PKIG: variants seen among roughly 807,000 people sequenced by gnomAD.
PKIG encodes protein kinase (cAMP-dependent, catalytic) inhibitor gamma.
A neutral mutation model predicts 6.8 loss-of-function variants in PKIG; 1 was observed. That is an observed-to-expected ratio of 0.15 (90% CI 0.05 to 0.69). The LOEUF (loss-of-function observed/expected upper bound fraction) is 0.69, where lower values mean the gene tolerates loss of function less well. Among genes scored for constraint, PKIG ranks in the 30% least tolerant of loss-of-function variants. The pLI is 0.82. For missense variants in PKIG, 77 were observed against 104.0 expected (o/e 0.74, Z 1.13); for synonymous variants, 39 against 43.0 (o/e 0.91, Z 0.36).
chr20:44,551,075 T>G (rs2064663650), intron 1 of PKIG, among the ~76,000 whole-genome samples: 1 of 152,170 alleles, frequency 6.6e-6, no homozygotes, highest in Non-Finnish European at 1.5e-5. Flanking sequence ...TTCCTGTTTT[T>G]TTTTTGAGAC....
Position 44,614,672 on chromosome 20 carries a change from C to T in PKIG, c.116C>T (p.Ala39Val). ...DSEAVSVRKLAGDMGELALEG... is the reference protein window; with the variant it reads ...DSEAVSVRKLVGDMGELALEG... ...GAGGCTGTGAGCGTGAGGAAGCTGG[C>T]TGGAGACATGGGCGAGCTGGCACTC... Residue 39 changes from alanine (A) to valine (V), a missense_variant, in exon 3 of 4, where the codon GCT becomes GTT. Transcript: ENST00000372886. The surrounding 1 kb of genome is among the most constrained non-coding windows in gnomAD (Gnocchi z 4.6). 6.2e-7 allele frequency: 1 copy of T among 1,613,984 alleles called. No individual in the cohort carries two copies. The highest frequency in any genetic ancestry group is 8.5e-7 in the Non-Finnish European group (1 of 1,180,016).
intron 1 of PKIG, among the ~76,000 whole-genome samples, chr20:44,542,092 C>A (rs571450397): frequency 6.6e-6 from 1 of 152,158 alleles, no homozygotes; most frequent in East Asian, 1.9e-4. Context: ...TAATAACTTA[C>A]GGAGCTTTCC....
chr20:44,580,292 C>T (rs1340819219), upstream of PKIG, among the ~76,000 whole-genome samples: 1 of 151,996 alleles, frequency 6.6e-6, no homozygotes, highest in Non-Finnish European at 1.5e-5. Context: ...GAGCTGTGAA[C>T]GGCTGCTCTC....
chr20:44,578,624 C>T (rs1245946352), upstream of PKIG, among the ~76,000 whole-genome samples: 1 of 152,182 alleles, frequency 6.6e-6, no homozygotes, highest in Non-Finnish European at 1.5e-5. Context: ...CTAAAAGCTT[C>T]CTAAGGCCTC....
At chr20:44,551,996 T>C (rs1216727076) in intron 1 of PKIG, among the ~76,000 whole-genome samples, 1 of 152,228 alleles carries the variant, frequency 6.6e-6, no homozygotes, top group East Asian at 1.9e-4. Context: ...GAAATATTCG[T>C]AATTGCTACA....
intron 1 of PKIG, among the ~76,000 whole-genome samples, chr20:44,535,189 AG>A (rs2064501431): frequency 6.6e-6 from 1 of 152,186 alleles, no homozygotes. Context: ...ACAGAGTAAG[AG>A]TTGGCTGGGC....
intron 3 of PKIG, among the ~76,000 whole-genome samples, chr20:44,615,804 CTTGG>C (rs1268944562): frequency 1.4e-4 from 21 of 152,294 alleles, no homozygotes; most frequent in African/African-American, 5.1e-4. Flanking sequence ...TTTGCCGGGG[CTTGG>C]ACCCAGCCCT....
intron 1 of PKIG, among the ~76,000 whole-genome samples, chr20:44,561,247 G>A (rs767822452): frequency 7.9e-5 from 12 of 152,300 alleles, no homozygotes; most frequent in Non-Finnish European, 1.5e-4. Flanking sequence ...TGAGGCAGGA[G>A]AATCGCTTGA....
intron 1 of PKIG, among the ~76,000 whole-genome samples, chr20:44,533,805 A>G (rs956766180): frequency 1.3e-5 from 2 of 152,258 alleles, no homozygotes; most frequent in African/African-American, 4.8e-5. Context: ...AGAAACCAGC[A>G]AAGTATAGTA....
At chr20:44,607,377 A>T (rs59940141) in intron 2 of PKIG, among the ~76,000 whole-genome samples, 39,473 of 94,578 alleles carry the variant, frequency 0.42, 8,589 homozygotes, top group African/African-American at 0.46. Flanking sequence ...ATATATATAT[A>T]TTTTTTTTTT....
chr20:44,577,413 C>T (rs1022481214), intron 1 of PKIG, among the ~76,000 whole-genome samples: 2 of 152,096 alleles, frequency 1.3e-5, no homozygotes, highest in Admixed American at 6.6e-5. Context: ...GGATTACAAG[C>T]GTCAGCCACC....
chr20:44,554,719 C>G (rs1284704599), intron 1 of PKIG, among the ~76,000 whole-genome samples: 1 of 152,104 alleles, frequency 6.6e-6, no homozygotes, highest in African/African-American at 2.4e-5. Context: ...CCTCTAAGTG[C>G]TTTGTAAGAT....
chr20:44,559,805 C>T (rs905605040), intron 1 of PKIG, among the ~76,000 whole-genome samples: 1 of 152,072 alleles, frequency 6.6e-6, no homozygotes, highest in African/African-American at 2.4e-5. Context: ...TAGCAAAAAC[C>T]ACTGCTGCAA....
chr20:44,570,780 C>T (rs1306793567), intron 1 of PKIG, among the ~76,000 whole-genome samples: 1 of 152,076 alleles, frequency 6.6e-6, no homozygotes, highest in African/African-American at 2.4e-5. Flanking sequence ...GCTGTATGGA[C>T]GCTTAACAGA....
At chr20:44,616,690 T>G (rs532604010) in intron 3 of PKIG, among the ~76,000 whole-genome samples, 1 of 152,234 alleles carries the variant, frequency 6.6e-6, no homozygotes, top group East Asian at 1.9e-4. Context: ...AAGGAAACAC[T>G]CACGGTGGCG....
At chr20:44,566,397 G>C (rs913004792) in intron 1 of PKIG, among the ~76,000 whole-genome samples, 3 of 152,190 alleles carry the variant, frequency 2.0e-5, no homozygotes, top group Admixed American at 2.0e-4. Flanking sequence ...TTTAAGTCCA[G>C]CAGGTGAGGT....
chr20:44,584,854 G>A (rs112675868), intron 1 of PKIG, among the ~76,000 whole-genome samples: 17 of 152,040 alleles, frequency 1.1e-4, no homozygotes, highest in African/African-American at 3.1e-4. Context: ...CCCTCGAATA[G>A]CTGGGATTAC....
intron 1 of PKIG, among the ~76,000 whole-genome samples, chr20:44,543,934 G>A (rs2064586325): frequency 6.6e-6 from 1 of 151,968 alleles, no homozygotes; most frequent in Admixed American, 6.6e-5. Flanking sequence ...TGTGATGGTA[G>A]ACGCCTGTAG....
intron 1 of PKIG, among the ~76,000 whole-genome samples, chr20:44,583,603 G>A (rs1287890052): frequency 6.6e-6 from 1 of 152,112 alleles, no homozygotes; most frequent in African/African-American, 2.4e-5. Context: ...TACAGCTAAC[G>A]GGAAGATTTC....
Sources: gnomAD v4.1 joint callset for allele counts (sites outside exome capture counted in the v4.1 genomes callset) on GRCh38, gnomAD v4.1.1 for gene constraint, Gnocchi (gnomAD v3.1) non-coding constraint, MANE v1.5 for transcripts, NCBI Gene and HGNC (gene_info 2026-07-23, HGNC 2026-07-21) for gene names.